FUT9: variants seen among roughly 807,000 people sequenced by gnomAD.
FUT9 encodes fucosyltransferase 9, also known as 4-galactosyl-N-acetylglucosaminide 3-alpha-L-fucosyltransferase 9.
A neutral mutation model predicts 29.7 loss-of-function variants in FUT9; 15 were observed. The ratio of observed to expected loss-of-function variants is 0.51; its 90% CI spans 0.34 to 0.78. The LOEUF is 0.78. Among genes scored for constraint, FUT9 ranks in the 30% least tolerant of loss-of-function variants. The pLI is 0.01. For synonymous variants in FUT9, 169 were observed against 153.7 expected, an observed-to-expected ratio of 1.10 and a Z score of -0.74; for missense variants, 319 against 425.4, an observed-to-expected ratio of 0.75 and a Z score of 2.20.
At chr6:96,151,852 C>T (rs4385319) in intron 2 of FUT9, among the ~76,000 whole-genome samples, 114,603 of 152,106 alleles carry the variant, frequency 0.75, 45,059 homozygotes, top group East Asian at 0.99. Flanking sequence ...ATTTTAATCA[C>T]CAGAGCCTGC....
intron 2 of FUT9, among the ~76,000 whole-genome samples, chr6:96,115,108 A>T (rs896432884): frequency 4.6e-5 from 7 of 152,330 alleles, no homozygotes; most frequent in Middle Eastern, 3.4e-3. Context: ...CTCTGAATGC[A>T]TTGTGACACA....
chr6:96,020,008 A>G (rs1432249799), intron 1 of FUT9, among the ~76,000 whole-genome samples: 3 of 152,120 alleles, frequency 2.0e-5, no homozygotes, highest in African/African-American at 7.2e-5. Context: ...CTGAAAATAA[A>G]ATGAAATAAA....
chr6:96,068,448 T>A (rs1237428284), intron 1 of FUT9, among the ~76,000 whole-genome samples: 1 of 152,184 alleles, frequency 6.6e-6, no homozygotes, highest in Non-Finnish European at 1.5e-5. Flanking sequence ...ATTGTCAAAT[T>A]CTATAATAAT....
At chr6:96,097,238 G>A (rs577072847) in intron 1 of FUT9, among the ~76,000 whole-genome samples, 8 of 152,306 alleles carry the variant, frequency 5.3e-5, no homozygotes, top group African/African-American at 1.2e-4. Flanking sequence ...AGTTTTAGTC[G>A]TCTTTATAAC....
chr6:96,133,802 G>C (rs12661742), intron 2 of FUT9, among the ~76,000 whole-genome samples: 13,229 of 151,938 alleles, frequency 0.087, 883 homozygotes, highest in East Asian at 0.34. Context: ...TGCTAAATTA[G>C]TAGACTCTCA....
chr6:96,018,748 C>T (rs1286961441), intron 1 of FUT9, among the ~76,000 whole-genome samples: 3 of 151,652 alleles, frequency 2.0e-5, no homozygotes, highest in African/African-American at 7.3e-5. Context: ...TTGAATGTTC[C>T]ATGTGAAACC....
intron 2 of FUT9, among the ~76,000 whole-genome samples, chr6:96,195,739 G>A (rs184064740): frequency 1.3e-5 from 2 of 152,066 alleles, no homozygotes; most frequent in East Asian, 1.9e-4. Flanking sequence ...TTGTAGCCAG[G>A]AGTAAAAGCA....
chr6:96,187,056 A>G (rs1773417420), intron 2 of FUT9, among the ~76,000 whole-genome samples: 1 of 152,170 alleles, frequency 6.6e-6, no homozygotes, highest in Non-Finnish European at 1.5e-5. Context: ...AATTTTATGT[A>G]AACATAATAG....
At chr6:96,021,104 G>A (rs1413011703) in intron 1 of FUT9, 3 of 151,800 alleles carry the variant, frequency 2.0e-5, no homozygotes, top group Non-Finnish European at 4.4e-5. Flanking sequence ...ATTAAACAAG[G>A]GTGTCCAGGA....
intron 1 of FUT9, among the ~76,000 whole-genome samples, chr6:96,064,016 T>A (rs1770920251): frequency 6.6e-6 from 1 of 152,144 alleles, no homozygotes; most frequent in Admixed American, 6.5e-5. Context: ...ATAATAGATA[T>A]CCCCATCGAT....
At chr6:96,180,722 A>G (rs1172649041) in intron 2 of FUT9, among the ~76,000 whole-genome samples, 1 of 152,000 alleles carries the variant, frequency 6.6e-6, no homozygotes, top group African/African-American at 2.4e-5. Flanking sequence ...TACAGTATTT[A>G]TCTTTTGGTG....
intron 2 of FUT9, among the ~76,000 whole-genome samples, chr6:96,174,122 C>A (rs1773162020): frequency 2.0e-5 from 3 of 152,010 alleles, no homozygotes; most frequent in African/African-American, 7.2e-5. Context: ...CAGTCACAGA[C>A]CACTTCAAGC....
At chr6:96,138,162 T>G (rs951449475) in intron 2 of FUT9, among the ~76,000 whole-genome samples, 2 of 152,160 alleles carry the variant, frequency 1.3e-5, no homozygotes, top group African/African-American at 4.8e-5. Flanking sequence ...TCATGCCCTC[T>G]CTTGATTAAA....
At chr6:96,064,123 A>AT (rs1461746889) in intron 1 of FUT9, among the ~76,000 whole-genome samples, 2 of 152,124 alleles carry the variant, frequency 1.3e-5, no homozygotes, top group African/African-American at 4.8e-5. Context: ...CAATTACCTC[A>AT]TTTTTGCTAG....
chr6:96,134,044 G>A, intron 2 of FUT9, among the ~76,000 whole-genome samples: 1 of 151,412 alleles, frequency 6.6e-6, no homozygotes, highest in Non-Finnish European at 1.5e-5. Context: ...TGATGACAAG[G>A]TTTTCAGACA....
intron 2 of FUT9, among the ~76,000 whole-genome samples, chr6:96,183,901 T>A (rs1773356020): frequency 6.6e-6 from 1 of 152,002 alleles, no homozygotes; most frequent in Admixed American, 6.6e-5. Context: ...GGGCTGTAGT[T>A]TTCTTTTTTT....
chr6:96,204,992 G>T lies in FUT9; in HGVS notation c.*757G>T, dbSNP rs1189178712. The T allele has an allele frequency of 1.2e-5, 2 of 163,656 alleles. No individual in the cohort carries two copies. Among genetic ancestry groups the T allele is most frequent in the East Asian group, 3.8e-4 (2 of 5,198 alleles). The allele number at this position is 163,656 out of a possible 1,614,324, so 10.1% of individuals were successfully genotyped here. A position where few individuals can be genotyped will look rare whatever the true frequency, so the allele number is the denominator to read the frequency against. Reference sequence around the variant, plus strand: ...ATAATACTTTAGAAAATCTAAGACAGTTCTTTCTGCTACTGATGACACTCA... The same window carrying T: ...ATAATACTTTAGAAAATCTAAGACATTTCTTTCTGCTACTGATGACACTCA... On this transcript the variant is annotated 3_prime_UTR_variant, in exon 3 of 3. Transcript: ENST00000302103.
At chr6:96,106,811 G>A (rs9399756) in intron 1 of FUT9, among the ~76,000 whole-genome samples, 26,012 of 152,174 alleles carry the variant, frequency 0.17, 2,436 homozygotes, top group Non-Finnish European at 0.19. Flanking sequence ...CTAGAGAAAT[G>A]AAGAGATGGA....
Position 96,207,614 on chromosome 6 carries a change from T to G in FUT9, c.*3379T>G, listed in dbSNP as rs1773857396. On this transcript the variant is annotated 3_prime_UTR_variant, in exon 3 of 3. Coordinates refer to ENST00000302103, the MANE Select transcript of FUT9 (RefSeq NM_006581.4). ...TAATAAATCCTGTGGGTTGCAATTC[T>G]TTGTAAGAAACTCATGAAAAAGATA... 6.0e-6 allele frequency: 1 copy of G among 167,024 alleles called. No individual in the cohort carries two copies. The highest frequency in any genetic ancestry group is 6.6e-5 in the Admixed American group (1 of 15,258). The allele number at this position is 167,024 out of a possible 1,614,324, so 10.3% of individuals were successfully genotyped here. A position where few individuals can be genotyped will look rare whatever the true frequency, so the allele number is the denominator to read the frequency against.
Sources: gnomAD v4.1 joint callset for allele counts (sites outside exome capture counted in the v4.1 genomes callset) on GRCh38, gnomAD v4.1.1 for gene constraint, MANE v1.5 for transcripts, NCBI Gene and HGNC (gene_info 2026-07-23, HGNC 2026-07-21) for gene names.